The following SRGAP2B variants were observed in gnomAD, a reference collection of about 807,000 sequenced individuals.
The protein encoded by SRGAP2B is SLIT-ROBO Rho GTPase-activating protein 2B.
In SRGAP2B, 9 loss-of-function variants were observed where a neutral mutation model predicts 22.2. That is an observed-to-expected ratio of 0.41 (90% confidence interval 0.24 to 0.71). The LOEUF is 0.71. SRGAP2B is among the 30% of genes least tolerant of loss of function. SRGAP2B has a pLI of 0.35. For synonymous variants in SRGAP2B, 36 were observed against 87.4 expected (o/e 0.41, Z 3.28); for missense variants, 114 against 235.8 (o/e 0.48, Z 3.38).
At chr1:145,058,718 G>A (rs1342296521) in intron 2 of SRGAP2B, among the ~76,000 whole-genome samples, 2 of 87,220 alleles carry the variant, frequency 2.3e-5, no homozygotes, top group Non-Finnish European at 4.5e-5. Flanking sequence ...CTGCCTCCCG[G>A]GTTCAAGCAG....
intron 4 of SRGAP2B, among the ~76,000 whole-genome samples, chr1:144,932,497 G>T (rs1217094207): frequency 2.0e-5 from 3 of 150,676 alleles, no homozygotes; most frequent in Non-Finnish European, 4.4e-5. Context: ...TTGAGATGGG[G>T]TCAGGGTCTC....
intron 2 of SRGAP2B, among the ~76,000 whole-genome samples, chr1:145,015,051 C>A (rs1571013157): frequency 7.2e-6 from 1 of 139,386 alleles, no homozygotes; most frequent in Admixed American, 7.2e-5. Flanking sequence ...TGAGGGGGTT[C>A]ACAAAATTAT....
chr1:145,022,976 C>T lies in SRGAP2B; in HGVS notation c.68-27776G>A, dbSNP rs184736517. Among the ~76,000 whole-genome samples the T allele has an allele frequency of 9.3e-5, 14 of 149,748 alleles. 1 individual carries two copies. In the East Asian group the frequency reaches 2.3e-3, roughly 25 times the overall value. ...GGTCAAGAGATCGAGACCATCCTGG[C>T]AAATGTGGTGAAGCCCCGTCTCTAC... On this transcript the variant is annotated intron_variant, in intron 2 of 9. Transcript: ENST00000612199.
chr1:144,914,526 T>C (rs1275499433), intron 5 of SRGAP2B, among the ~76,000 whole-genome samples, 166 bp downstream of exon 5: 160 of 149,998 alleles, frequency 1.1e-3, no homozygotes, highest in African/African-American at 3.9e-3. Context: ...CATTCCGTTT[T>C]GAAAAGACGA....
rs12402048 is a variant in SRGAP2B at position 145,039,478 on chromosome 1, T to A, written c.68-44278A>T. Among the ~76,000 whole-genome samples the A allele has an allele frequency of 6.5e-3, 945 of 146,292 alleles. 2 individuals carry two copies. Among genetic ancestry groups the A allele is most frequent in the African/African-American group, 0.019 (754 of 39,426 alleles). On this transcript the variant is annotated intron_variant, in intron 2 of 9. Coordinates refer to ENST00000612199, the Ensembl canonical transcript of SRGAP2B. ...TGACAGGATGAGACCCTGTCTCTTT[T>A]AAAAAAAAAAAAAAAGATAAATGCA... is the stretch of plus-strand genomic sequence containing the variant.
chr1:144,944,407 G>C (rs1666313764), intron 4 of SRGAP2B, among the ~76,000 whole-genome samples: 1 of 149,274 alleles, frequency 6.7e-6, no homozygotes, highest in Admixed American at 6.6e-5. Flanking sequence ...CCTAGCCTGG[G>C]CACCACAGCG....
chr1:144,965,278 C>T (rs2987938), intron 3 of SRGAP2B: 3 of 441,998 alleles, frequency 6.8e-6, no homozygotes, highest in East Asian at 4.5e-5. Flanking sequence ...TCTCCCAGCA[C>T]GCAGCTGGAG....
intron 3 of SRGAP2B, chr1:144,965,258 G>C (rs1435780620): frequency 2.4e-5 from 12 of 504,788 alleles, no homozygotes; most frequent in Admixed American, 9.4e-5. Flanking sequence ...GCTTTGAAGA[G>C]AGCAGTGGTT....
chr1:144,983,014 C>T (rs1250852372), intron 3 of SRGAP2B, among the ~76,000 whole-genome samples: 1 of 149,530 alleles, frequency 6.7e-6, no homozygotes, highest in Non-Finnish European at 1.5e-5. Flanking sequence ...CCTTGCAACA[C>T]CAGATGCTAC....
chr1:145,013,032 G>A lies in SRGAP2B; in HGVS notation c.68-17832C>T, dbSNP rs587617566. On this transcript the variant is annotated intron_variant, in intron 2 of 9. Transcript: ENST00000612199. ...CACAAGGCAAAGATTGCACTGAGCC[G>A]AGATCACACCGCTGCACTCCAGCCT... Among the ~76,000 whole-genome samples the A allele has an allele frequency of 8.0e-5, 12 of 150,550 alleles. 2 individuals are homozygous for A. The highest frequency in any genetic ancestry group is 4.2e-4 in the South Asian group (2 of 4,792).
rs1451638174 is a variant in SRGAP2B, at chr1:144,997,158, G to A, written c.68-1958C>T. 8.0e-5 allele frequency among the ~76,000 whole-genome samples: 12 copies of A among 150,600 alleles called. 1 individual carries two copies. Among genetic ancestry groups the A allele is most frequent in the Admixed American group, 2.0e-4 (3 of 15,158 alleles). On this transcript the variant is annotated intron_variant, in intron 2 of 9. Transcript: ENST00000612199. ...CAGTAAGAACCAAGTGCCAGGCGCG[G>A]TGGCTCACGCCTGTAATCCCAGCAC...
At chr1:144,967,270 A>T (rs1553612437) in intron 3 of SRGAP2B, among the ~76,000 whole-genome samples, 23 of 114,942 alleles carry the variant, frequency 2.0e-4, no homozygotes, top group African/African-American at 3.0e-4. Flanking sequence ...ATGTAAAAGA[A>T]CAGAAATTAT....
intron 3 of SRGAP2B, among the ~76,000 whole-genome samples, chr1:144,957,093 C>G (rs2101942844): frequency 6.6e-6 from 1 of 150,638 alleles, no homozygotes; most frequent in Non-Finnish European, 1.5e-5. Flanking sequence ...AAGCCTATAA[C>G]TGCAAAGCGA....
intron 2 of SRGAP2B, among the ~76,000 whole-genome samples, chr1:145,008,827 T>C (rs1671797328): frequency 1.5e-5 from 2 of 136,334 alleles, no homozygotes; most frequent in Admixed American, 1.4e-4. Flanking sequence ...ACAGACTAGA[T>C]GAAACTTATT....
At chr1:144,892,700 T>C (rs1662203051) in intron 9 of SRGAP2B, among the ~76,000 whole-genome samples, 2 of 148,050 alleles carry the variant, frequency 1.4e-5, no homozygotes, top group African/African-American at 5.2e-5. Flanking sequence ...ATAGAAGTTT[T>C]AAGGGAAAGA....
At chr1:144,898,949 CTG>C (rs1662479826) in intron 7 of SRGAP2B, among the ~76,000 whole-genome samples, 2 of 145,898 alleles carry the variant, frequency 1.4e-5, no homozygotes, top group Non-Finnish European at 3.0e-5. Context: ...CATGGGCTCT[CTG>C]GGAGATGCTG....
intron 4 of SRGAP2B, 66 bp downstream of exon 4, chr1:144,955,373 T>C: frequency 5.2e-6 from 5 of 960,484 alleles, no homozygotes; most frequent in Non-Finnish European, 8.1e-6. Context: ...ACATAATATC[T>C]AATAGGATTT....
At chr1:145,075,634 T>C (rs1269390209) in intron 2 of SRGAP2B, among the ~76,000 whole-genome samples, 1 of 84,696 alleles carries the variant, frequency 1.2e-5, no homozygotes, top group Admixed American at 1.3e-4. Context: ...ATATATCAAA[T>C]AATTCAATTA....
chr1:144,965,646 T>C (rs376692267), intron 3 of SRGAP2B, among the ~76,000 whole-genome samples: 1 of 126,124 alleles, frequency 7.9e-6, no homozygotes, highest in Non-Finnish European at 1.6e-5. Context: ...TGGAGAATGA[T>C]TTTGACGAGC....
Sources: allele counts gnomAD v4.1 joint callset (sites outside exome capture counted in the v4.1 genomes callset), GRCh38; gene constraint gnomAD v4.1.1; transcripts MANE v1.5; gene names NCBI Gene and HGNC (gene_info 2026-07-23, HGNC 2026-07-21).